Variants in UBE2W observed in about 807,000 individuals in gnomAD.
UBE2W encodes ubiquitin-conjugating enzyme E2 W.
In UBE2W, 18 loss-of-function variants were observed where a neutral mutation model predicts 27.2. The observed-to-expected ratio is 0.66, with a 90% CI of 0.46 to 0.98. UBE2W has a LOEUF of 0.98. Ranked by LOEUF, UBE2W falls within the 50% of genes least tolerant of loss-of-function variation. The pLI, the probability that UBE2W is intolerant of heterozygous loss-of-function variation, is 0.00. For synonymous variants in UBE2W, 53 were observed against 57.2 expected (o/e 0.93, Z 0.33); for missense variants, 90 against 180.2 (o/e 0.50, Z 2.87).
At chr8:73,852,153 G>A (rs1811109602) in intron 1 of UBE2W, among the ~76,000 whole-genome samples, 1 of 152,058 alleles carries the variant, frequency 6.6e-6, no homozygotes, top group African/African-American at 2.4e-5. Flanking sequence ...GACCTGACCA[G>A]TTCAAGTTCC....
intron 1 of UBE2W, among the ~76,000 whole-genome samples, chr8:73,869,682 C>T (rs1350343998): frequency 6.6e-6 from 1 of 151,814 alleles, no homozygotes; most frequent in Non-Finnish European, 1.5e-5. Flanking sequence ...CTGAGCAAGA[C>T]TCTTGTCTCA....
At chr8:73,858,052 C>T (rs1379691894) in intron 1 of UBE2W, among the ~76,000 whole-genome samples, 1 of 151,782 alleles carries the variant, frequency 6.6e-6, no homozygotes, top group East Asian at 1.9e-4. Context: ...TAGTGAAACC[C>T]CATCTCTACT....
chr8:73,795,398 C>G (rs1808372763), intron 5 of UBE2W, among the ~76,000 whole-genome samples: 1 of 152,128 alleles, frequency 6.6e-6, no homozygotes, highest in Non-Finnish European at 1.5e-5. Flanking sequence ...ATGTGACTTG[C>G]CTGCTCTCCC....
intron 1 of UBE2W, among the ~76,000 whole-genome samples, chr8:73,846,008 A>T (rs1234261235): frequency 6.6e-6 from 1 of 152,246 alleles, no homozygotes; most frequent in Non-Finnish European, 1.5e-5. Context: ...CAAGGGACAG[A>T]TCTGAGATGA....
intron 3 of UBE2W, among the ~76,000 whole-genome samples, chr8:73,822,440 A>G (rs985199320): frequency 6.6e-6 from 1 of 151,986 alleles, no homozygotes; most frequent in African/African-American, 2.4e-5. Flanking sequence ...AGGCAAAAAC[A>G]GGAGGTAAAG....
chr8:73,872,893 T>C (rs1040472842), intron 1 of UBE2W, among the ~76,000 whole-genome samples: 2 of 151,658 alleles, frequency 1.3e-5, no homozygotes, highest in African/African-American at 4.9e-5. Context: ...TAATCCTTTT[T>C]TTTTTTCCTT....
intron 1 of UBE2W, among the ~76,000 whole-genome samples, chr8:73,858,874 G>C (rs1230578373): frequency 2.2e-5 from 2 of 88,930 alleles, no homozygotes; most frequent in Non-Finnish European, 4.4e-5. Context: ...GGGGGTTTTT[G>C]CGTGCGTGTG....
At chr8:73,864,750 T>TTGGGGGGG (rs1475765458) in intron 1 of UBE2W, among the ~76,000 whole-genome samples, 1 of 88,550 alleles carries the variant, frequency 1.1e-5, no homozygotes, top group Non-Finnish European at 2.0e-5. Flanking sequence ...CAAATTTTTT[T>TTGGGGGGG]GGGGGGGGGG....
Position 73,878,800 on chromosome 8 carries a change from C to T in UBE2W, c.15+8G>A, listed in dbSNP as rs1007220234. On this transcript the variant is annotated splice_region_variant and intron_variant, in intron 1 of 5. Coordinates refer to ENST00000602593, the MANE Select transcript of UBE2W (RefSeq NM_018299.6). ...CTGGCCCGCCCAGATGCAGCAAACT[C>T]CTCTCACCTGCATTGACGCCATGAT... 3.2e-6 allele frequency: 5 copies of T among 1,550,020 alleles called. No individual in the cohort carries two copies. Among genetic ancestry groups the T allele is most frequent in the South Asian group, 2.4e-5 (2 of 84,054 alleles).
At chr8:73,876,074 C>T (rs566303762) in intron 1 of UBE2W, among the ~76,000 whole-genome samples, 6 of 151,852 alleles carry the variant, frequency 4.0e-5, no homozygotes, top group Non-Finnish European at 7.4e-5. Flanking sequence ...AAGAACAAAA[C>T]ACAATTAACT....
intron 1 of UBE2W, among the ~76,000 whole-genome samples, chr8:73,845,256 T>C (rs1170237367): frequency 1.3e-5 from 2 of 152,312 alleles, no homozygotes; most frequent in East Asian, 3.9e-4. Flanking sequence ...CGATGGCGGT[T>C]TTGTCGAACA....
chr8:73,847,107 T>C (rs1273374350), intron 1 of UBE2W, among the ~76,000 whole-genome samples: 1 of 152,142 alleles, frequency 6.6e-6, no homozygotes, highest in Non-Finnish European at 1.5e-5. Flanking sequence ...AAGCAGAGGT[T>C]GCAGTGAGCC....
At chr8:73,836,484 G>T (rs535116115) in intron 1 of UBE2W, among the ~76,000 whole-genome samples, 3 of 152,174 alleles carry the variant, frequency 2.0e-5, no homozygotes, top group Admixed American at 6.5e-5. Context: ...ATTCTTCCCA[G>T]AACAACAGTT....
downstream of UBE2W, among the ~76,000 whole-genome samples, chr8:73,781,269 CAAAA>C (rs72377675): frequency 0.19 from 16,708 of 85,994 alleles, 986 homozygotes; most frequent in Middle Eastern, 0.3. Flanking sequence ...GACTCAGTCT[CAAAA>C]AAAAAAAAAA....
At chr8:73,796,100 A>C (rs999006487) in intron 5 of UBE2W, among the ~76,000 whole-genome samples, 1 of 148,692 alleles carries the variant, frequency 6.7e-6, no homozygotes, top group African/African-American at 2.5e-5. Flanking sequence ...ATGTTCTTTA[A>C]ATTATTGTGG....
chr8:73,819,357 C>G (rs1809517350), intron 3 of UBE2W, among the ~76,000 whole-genome samples: 1 of 152,202 alleles, frequency 6.6e-6, no homozygotes, highest in South Asian at 2.1e-4. Context: ...ATCACCAGCA[C>G]CCAGCACAGT....
At position 73,794,103 on chromosome 8, in the gene UBE2W, C is replaced by T; in HGVS notation, c.455G>A (p.Ter152=). The T allele has an allele frequency of 6.2e-7, 1 of 1,613,300 alleles. No individual in the cohort carries two copies. Among genetic ancestry groups the T allele is most frequent in the South Asian group, 1.1e-5 (1 of 90,928 alleles). Residue 152 remains the stop codon, a stop_retained_variant, in exon 6 of 6, where the codon TGA becomes TAA. Transcript: ENST00000602593. ...GCTAGGAGGATGATAACAGTGGCAT[C>T]AACAAGTATCATCTTTAAGAAAAGG... ...TKWWYHDDTC[*] is the part of the protein sequence containing the mutation.
At chr8:73,780,729 G>A (rs1488587596) in intron 4 of UBE2W, among the ~76,000 whole-genome samples, 2 of 151,770 alleles carry the variant, frequency 1.3e-5, no homozygotes, top group Middle Eastern at 3.4e-3. Flanking sequence ...TTGCCATGTT[G>A]CCCAGGCTGG....
At chr8:73,810,083 C>T (rs547189836) in intron 4 of UBE2W, among the ~76,000 whole-genome samples, 9 of 152,150 alleles carry the variant, frequency 5.9e-5, no homozygotes, top group South Asian at 2.1e-4. Context: ...ACAGGTTGAT[C>T]GGGTGGGAGC....
Sources: allele counts gnomAD v4.1 joint callset (sites outside exome capture counted in the v4.1 genomes callset), GRCh38; gene constraint gnomAD v4.1.1; transcripts MANE v1.5; gene names NCBI Gene and HGNC (gene_info 2026-07-23, HGNC 2026-07-21).